The following NTM variants were observed in gnomAD, a reference collection of about 807,000 sequenced individuals.
NTM encodes neurotrimin.
A neutral mutation model predicts 42.1 loss-of-function variants in NTM; 13 were observed. That is an observed-to-expected ratio of 0.31 (90% confidence interval 0.20 to 0.49). The LOEUF (loss-of-function observed/expected upper bound fraction) is 0.49, where lower values mean the gene tolerates loss of function less well. NTM is among the 20% of genes least tolerant of loss of function. NTM has a pLI of 0.99. For missense variants in NTM, 373 were observed against 452.8 expected, an observed-to-expected ratio of 0.82 and a Z score of 1.60; for synonymous variants, 187 against 179.2, an observed-to-expected ratio of 1.04 and a Z score of -0.35.
chr11:131,621,609 G>A lies in NTM; in HGVS notation c.82+250721G>A, dbSNP rs150747433. On this transcript the variant is annotated intron_variant, in intron 1 of 8. Coordinates refer to ENST00000683400, the MANE Select transcript of NTM (RefSeq NM_001352005.2). ...GAGTCCAGGAGTTCAAGACCAGGCT[G>A]GGCAACATAGTAACACCCTATCTTT... 6.3e-3 allele frequency among the ~76,000 whole-genome samples: 880 copies of A among 139,626 alleles called. 13 individuals are homozygous for A. Among genetic ancestry groups the A allele is most frequent in the African/African-American group, 0.022 (816 of 37,234 alleles). 91.6% of individuals were successfully genotyped at this position (139,626 alleles called of 152,430 possible).
chr11:131,589,681 G>A (rs767810810), intron 1 of NTM, among the ~76,000 whole-genome samples: 118 of 152,154 alleles, frequency 7.8e-4, no homozygotes, highest in Non-Finnish European at 1.2e-3. Flanking sequence ...CCCCTTCCTC[G>A]TCACTTTTGT....
chr11:131,743,861 A>G (rs1458919103), intron 1 of NTM, among the ~76,000 whole-genome samples: 1 of 152,212 alleles, frequency 6.6e-6, no homozygotes, highest in Non-Finnish European at 1.5e-5. Flanking sequence ...CAATTCCCCA[A>G]TGCATATTTT....
intron 2 of NTM, among the ~76,000 whole-genome samples, chr11:132,043,958 ATGTGTGTGTGTGTGTG>A (rs71067353): frequency 2.1e-5 from 3 of 146,272 alleles, no homozygotes; most frequent in Admixed American, 6.8e-5. Flanking sequence ...GACACCAACT[ATGTGTGTGTGTGTGTG>A]TGTGTGTGTG....
Position 131,843,216 on chromosome 11 carries a change from T to G in NTM, c.83-68348T>G, listed in dbSNP as rs991699218. Among the ~76,000 whole-genome samples the G allele has an allele frequency of 4.6e-5, 7 of 152,188 alleles. 1 individual carries two copies. The highest frequency in any genetic ancestry group is 1.2e-4 in the African/African-American group (5 of 41,444). Reference sequence around the variant, plus strand: ...ATCTAAACTGAATCCACTTGTTTATTCTTCTCTAAATCCATTTTCCCTGCT... The same window carrying G: ...ATCTAAACTGAATCCACTTGTTTATGCTTCTCTAAATCCATTTTCCCTGCT... On this transcript the variant is annotated intron_variant, in intron 1 of 8. Transcript: ENST00000683400.
intron 4 of NTM, among the ~76,000 whole-genome samples, chr11:132,289,360 A>G (rs1056505979): frequency 1.3e-5 from 2 of 152,234 alleles, no homozygotes; most frequent in African/African-American, 2.4e-5. Flanking sequence ...ACAAGAGTTC[A>G]GTTCTCAAAG....
At chr11:132,217,354 CTT>C (rs768649195) in intron 4 of NTM, among the ~76,000 whole-genome samples, 2 of 69,202 alleles carry the variant, frequency 2.9e-5, no homozygotes, top group African/African-American at 8.8e-5. Flanking sequence ...CTCTCTCTCT[CTT>C]TCTGTGTGTG....
chr11:132,181,156 C>A (rs1323583648), intron 3 of NTM, among the ~76,000 whole-genome samples: 1 of 152,176 alleles, frequency 6.6e-6, no homozygotes, highest in Non-Finnish European at 1.5e-5. Flanking sequence ...TCTTTACCAA[C>A]TTTTCATGAA....
intron 3 of NTM, among the ~76,000 whole-genome samples, chr11:132,195,014 G>A (rs2079948322): frequency 6.6e-6 from 1 of 151,462 alleles, no homozygotes; most frequent in Non-Finnish European, 1.5e-5. Context: ...GTAGAGATGG[G>A]GTTTCACCAT....
chr11:131,391,709 C>A (rs915523280), intron 1 of NTM, among the ~76,000 whole-genome samples: 13 of 146,438 alleles, frequency 8.9e-5, no homozygotes, highest in South Asian at 2.2e-4. Context: ...AGGAGAGGGT[C>A]GGGAGACAGA....
At chr11:131,609,757 G>A (rs976077431) in intron 1 of NTM, among the ~76,000 whole-genome samples, 1 of 152,144 alleles carries the variant, frequency 6.6e-6, no homozygotes, top group Non-Finnish European at 1.5e-5. Flanking sequence ...AGCCAAACAT[G>A]CTTCTGTCTT....
intron 1 of NTM, among the ~76,000 whole-genome samples, chr11:131,764,787 A>G (rs547270835): frequency 2.2e-4 from 34 of 152,244 alleles, no homozygotes; most frequent in African/African-American, 7.9e-4. Flanking sequence ...GCTCCTTCCT[A>G]TAAATCACCT....
chr11:131,768,931 C>T (rs1265052307), intron 1 of NTM, among the ~76,000 whole-genome samples: 1 of 152,136 alleles, frequency 6.6e-6, no homozygotes, highest in Non-Finnish European at 1.5e-5. Flanking sequence ...TGAAAATGTG[C>T]AGTTGCCATT....
In NTM at chr11:131,664,987, C is replaced by G. The variant is rs552793176; in HGVS notation, c.83-246577C>G. Among the ~76,000 whole-genome samples, 228 of 152,238 alleles carry G rather than the reference C, an allele frequency of 1.5e-3. 2 individuals carry two copies. Among genetic ancestry groups the G allele is most frequent in the African/African-American group, 4.9e-3 (203 of 41,540 alleles). On this transcript the variant is annotated intron_variant, in intron 1 of 8. Transcript: ENST00000683400. ...CCGCGCTTCTGCTGGGCACCAGAGGCAGAACCCGCGGAACTGCTTCCTGCA... is the reference window on the plus strand; with the variant it reads ...CCGCGCTTCTGCTGGGCACCAGAGGGAGAACCCGCGGAACTGCTTCCTGCA...
At chr11:131,782,136 A>C (rs546109817) in intron 1 of NTM, among the ~76,000 whole-genome samples, 1 of 152,228 alleles carries the variant, frequency 6.6e-6, no homozygotes, top group Non-Finnish European at 1.5e-5. Context: ...AGGAAGATTA[A>C]TAAATCCCAA....
At chr11:132,157,446 AC>A (rs1341580897) in intron 3 of NTM, among the ~76,000 whole-genome samples, 1 of 152,148 alleles carries the variant, frequency 6.6e-6, no homozygotes, top group Non-Finnish European at 1.5e-5. Context: ...ACATTTCAAA[AC>A]TAAGATGATA....
chr11:131,817,562 G>A (rs1304868174), intron 1 of NTM, among the ~76,000 whole-genome samples: 1 of 152,208 alleles, frequency 6.6e-6, no homozygotes, highest in Non-Finnish European at 1.5e-5. Context: ...CTTAGCCAAT[G>A]TTCATGTTTA....
At chr11:132,108,864 C>T (rs577492365) in intron 2 of NTM, among the ~76,000 whole-genome samples, 26 of 152,142 alleles carry the variant, frequency 1.7e-4, no homozygotes, top group Non-Finnish European at 3.1e-4. Flanking sequence ...CACTCACCAG[C>T]CCCTGACAGG....
intron 1 of NTM, among the ~76,000 whole-genome samples, chr11:131,552,691 G>A (rs775690790): frequency 2.6e-5 from 4 of 151,668 alleles, no homozygotes; most frequent in African/African-American, 7.3e-5. Context: ...GGTGGCGGGC[G>A]CCTGTAGTCC....
intron 4 of NTM, among the ~76,000 whole-genome samples, chr11:132,290,157 G>A (rs1460071221): frequency 1.3e-5 from 2 of 152,120 alleles, no homozygotes; most frequent in African/African-American, 4.8e-5. Context: ...ATAATGAATG[G>A]GAGAGAAAGG....
Sources: allele counts gnomAD v4.1 joint callset (sites outside exome capture counted in the v4.1 genomes callset), GRCh38; gene constraint gnomAD v4.1.1; transcripts MANE v1.5; gene names NCBI Gene and HGNC (gene_info 2026-07-23, HGNC 2026-07-21).